DLC1: variants seen among roughly 807,000 people sequenced by gnomAD.
DLC1 encodes rho GTPase-activating protein 7.
In DLC1, 54 loss-of-function variants were observed where a neutral mutation model predicts 140.3. The observed-to-expected ratio is 0.38, with a 90% CI of 0.31 to 0.48. The LOEUF is 0.48. Among genes scored for constraint, DLC1 ranks in the 20% least tolerant of loss-of-function variants. The pLI, the probability that DLC1 is intolerant of heterozygous loss-of-function variation, is 0.96. For missense variants in DLC1, 2,536 were observed against 1,907.0 expected (o/e 1.33, Z -6.14); for synonymous variants, 986 against 728.1 (o/e 1.35, Z -5.70).
chr8:13,492,181 A>T (rs989401287), intron 2 of DLC1, among the ~76,000 whole-genome samples: 1 of 151,994 alleles, frequency 6.6e-6, no homozygotes, highest in Non-Finnish European at 1.5e-5. Flanking sequence ...ATATGAGCTT[A>T]TCTGAGGGTT....
chr8:13,589,505 C>A (rs777390275), intron 1 of DLC1, among the ~76,000 whole-genome samples: 24 of 152,016 alleles, frequency 1.6e-4, no homozygotes, highest in Non-Finnish European at 2.8e-4. Flanking sequence ...GTGTTGAGTT[C>A]ATTTTGCAAC....
rs3066494 is a variant in DLC1, at chr8:13,586,589, GCACACACA to G, written c.-126+17940_-126+17947del. On this transcript the variant is annotated intron_variant, in intron 1 of 1. Coordinates refer to the DLC1 transcript ENST00000631382. The stretch of plus-strand genomic sequence containing the variant: ...TTTAGAGAATAATGCAGATGCACAT[GCACACACA>G]CACACACACACACACACACACACAC... Among the ~76,000 whole-genome samples, 150 of 143,044 alleles carry G rather than the reference GCACACACA, an allele frequency of 1.0e-3. 2 individuals are homozygous for G. Among genetic ancestry groups the G allele is most frequent in the East Asian group, 5.6e-3 (26 of 4,642 alleles). The allele number at this position is 143,044 out of a possible 152,430, so 93.8% of individuals were successfully genotyped here. A position where few individuals can be genotyped will look rare whatever the true frequency, so the allele number is the denominator to read the frequency against.
intron 2 of DLC1, among the ~76,000 whole-genome samples, chr8:13,497,772 C>A (rs531137978): frequency 2.0e-5 from 3 of 152,218 alleles, no homozygotes; most frequent in Non-Finnish European, 2.9e-5. Context: ...GTGATCTAAA[C>A]AGTTTAATCA....
intron 1 of DLC1, among the ~76,000 whole-genome samples, chr8:13,554,534 T>G (rs772279954): frequency 3.3e-5 from 5 of 152,204 alleles, no homozygotes; most frequent in Admixed American, 2.6e-4. Context: ...CAACTGTTTT[T>G]CTTGAATTAT....
At chr8:13,157,517 T>A (rs918866229) in intron 5 of DLC1, among the ~76,000 whole-genome samples, 1 of 152,202 alleles carries the variant, frequency 6.6e-6, no homozygotes, top group African/African-American at 2.4e-5. Context: ...AAGAAATCTT[T>A]GGTAATCACC....
chr8:13,288,248 T>G (rs1365231409), intron 5 of DLC1, among the ~76,000 whole-genome samples: 1 of 152,216 alleles, frequency 6.6e-6, no homozygotes, highest in African/African-American at 2.4e-5. Context: ...ATAATTGTTT[T>G]TGTTTTCCTT....
intron 5 of DLC1, among the ~76,000 whole-genome samples, chr8:13,277,897 A>T (rs1048183140): frequency 6.6e-6 from 1 of 152,218 alleles, no homozygotes; most frequent in Non-Finnish European, 1.5e-5. Flanking sequence ...TTTTCAACCC[A>T]CACTGATCTC....
chr8:13,448,483 C>T (rs971473465), intron 2 of DLC1, among the ~76,000 whole-genome samples: 2 of 151,984 alleles, frequency 1.3e-5, no homozygotes, highest in African/African-American at 4.8e-5. Context: ...CTGCCTCAAC[C>T]TCTCAAGTAG....
At chr8:13,444,362 T>C (rs1303584559) in intron 2 of DLC1, among the ~76,000 whole-genome samples, 1 of 152,088 alleles carries the variant, frequency 6.6e-6, no homozygotes, top group Non-Finnish European at 1.5e-5. Context: ...GACAAGTTGA[T>C]GGGTGCAGCA....
chr8:13,471,309 C>CA (rs59564488), intron 2 of DLC1, among the ~76,000 whole-genome samples: 532 of 118,954 alleles, frequency 4.5e-3, no homozygotes, highest in South Asian at 6.1e-3. Flanking sequence ...ATGTTCTCAC[C>CA]AAAAAAAAAA....
intron 1 of DLC1, among the ~76,000 whole-genome samples, chr8:13,553,218 ATATATATATG>A (rs1400388144): frequency 0.049 from 3,462 of 70,440 alleles, 168 homozygotes; most frequent in African/African-American, 0.1. Flanking sequence ...ATATATATAT[ATATATATATG>A]TATATATATA....
chr8:13,580,013 T>G (rs897304419), intron 1 of DLC1, among the ~76,000 whole-genome samples: 1 of 152,178 alleles, frequency 6.6e-6, no homozygotes, highest in South Asian at 2.1e-4. Context: ...TGAGTTAATC[T>G]CAGACACATG....
chr8:13,351,947 T>C (rs988072371), intron 4 of DLC1, among the ~76,000 whole-genome samples: 1 of 152,254 alleles, frequency 6.6e-6, no homozygotes, highest in African/African-American at 2.4e-5. Context: ...TTGGCCAGGC[T>C]GGTCTCGAAC....
At position 13,479,813 on chromosome 8, in the gene DLC1, AG is replaced by A. The variant is rs1328120633; in HGVS notation, c.1023+19235del. On this transcript the variant is annotated intron_variant, in intron 2 of 17. Transcript: ENST00000276297. ...AAAAGAAAGAAAGAAAAGAAGAAGA[AG>A]AAGAAGAAGAAGAAGAAGAAGAAGA... Among the ~76,000 whole-genome samples the A allele has an allele frequency of 2.2e-5, 2 of 89,342 alleles. 1 individual carries two copies. Among genetic ancestry groups the A allele is most frequent in the African/African-American group, 9.9e-5 (2 of 20,276 alleles). The allele number at this position is 89,342 out of a possible 152,430, so 58.6% of individuals were successfully genotyped here. A position where few individuals can be genotyped will look rare whatever the true frequency, so the allele number is the denominator to read the frequency against.
At chr8:13,139,345 A>G (rs1309541937) in intron 5 of DLC1, among the ~76,000 whole-genome samples, 1 of 148,862 alleles carries the variant, frequency 6.7e-6, no homozygotes. Context: ...TGAGAGTCTG[A>G]GATTCTGTTG....
intron 2 of DLC1, among the ~76,000 whole-genome samples, chr8:13,453,416 ATATATATGTGTATATATATATG>A (rs1799179925): frequency 2.0e-5 from 1 of 51,262 alleles, no homozygotes; most frequent in African/African-American, 1.2e-4. Context: ...ATATATATAT[ATATATATGTGTATATATATATG>A]TATATATATA....
intron 4 of DLC1, among the ~76,000 whole-genome samples, chr8:13,334,471 C>T (rs985136408): frequency 5.3e-5 from 8 of 152,088 alleles, no homozygotes; most frequent in Non-Finnish European, 1.2e-4. Flanking sequence ...GCAGAAAGAT[C>T]ACTGTGCACA....
chr8:13,223,150 G>A (rs1404615956), intron 5 of DLC1, among the ~76,000 whole-genome samples: 3 of 152,068 alleles, frequency 2.0e-5, no homozygotes, highest in African/African-American at 4.8e-5. Context: ...TTTGCCAAAC[G>A]GAGAGAGTAA....
At chr8:13,535,410 C>T (rs1352023822) in intron 1 of DLC1, among the ~76,000 whole-genome samples, 1 of 152,078 alleles carries the variant, frequency 6.6e-6, no homozygotes, top group Non-Finnish European at 1.5e-5. Flanking sequence ...TTACGATTAA[C>T]ACACGTTAGG....
Sources: allele counts gnomAD v4.1 joint callset (sites outside exome capture counted in the v4.1 genomes callset), GRCh38; gene constraint gnomAD v4.1.1; transcripts MANE v1.5; gene names NCBI Gene and HGNC (gene_info 2026-07-23, HGNC 2026-07-21).